Variants in LRRC20 observed in about 807,000 individuals in gnomAD.
LRRC20 encodes the protein leucine rich repeat containing 20.
LRRC20 carries 11 observed loss-of-function variants against 14.4 expected under a neutral mutation model. The ratio of observed to expected loss-of-function variants is 0.77; its 90% CI spans 0.48 to 1.27. The LOEUF (loss-of-function observed/expected upper bound fraction) is 1.27, where lower values mean the gene tolerates loss of function less well. Ranked by LOEUF, LRRC20 falls within the 50% of genes most tolerant of loss-of-function variation. LRRC20 has a pLI of 0.00. For synonymous variants in LRRC20, 121 were observed against 107.3 expected, an observed-to-expected ratio of 1.13 and a Z score of -0.79; for missense variants, 219 against 251.2, an observed-to-expected ratio of 0.87 and a Z score of 0.87.
intron 2 of LRRC20, among the ~76,000 whole-genome samples, chr10:70,358,671 T>C (rs1843615990): frequency 1.3e-5 from 2 of 152,208 alleles, no homozygotes. Context: ...GCTGACTGGC[T>C]ACCGCAGTCT....
chr10:70,330,013 T>A (rs2136975213), intron 3 of LRRC20, among the ~76,000 whole-genome samples: 1 of 152,376 alleles, frequency 6.6e-6, no homozygotes, highest in Non-Finnish European at 1.5e-5. Context: ...TTGCTGAGAA[T>A]CTTTCCATCT....
intron 2 of LRRC20, among the ~76,000 whole-genome samples, chr10:70,373,391 G>A (rs1297672461): frequency 6.6e-6 from 1 of 152,098 alleles, no homozygotes; most frequent in Non-Finnish European, 1.5e-5. Flanking sequence ...TGTAGGTGGT[G>A]GGCTGGTCTC....
intron 3 of LRRC20, among the ~76,000 whole-genome samples, chr10:70,332,232 G>A (rs1302484663): frequency 6.6e-6 from 1 of 152,224 alleles, no homozygotes; most frequent in African/African-American, 2.4e-5. Flanking sequence ...GGGTCAGAGG[G>A]CATTTCCAGA....
intron 4 of LRRC20, among the ~76,000 whole-genome samples, chr10:70,302,123 C>T (rs1297622019): frequency 1.3e-5 from 2 of 152,070 alleles, no homozygotes; most frequent in Non-Finnish European, 2.9e-5. Flanking sequence ...ACCTGCCTGG[C>T]CAAGCTGGTG....
chr10:70,360,213 C>T (rs189256413), intron 2 of LRRC20, among the ~76,000 whole-genome samples: 2 of 152,260 alleles, frequency 1.3e-5, no homozygotes, highest in Non-Finnish European at 2.9e-5. Flanking sequence ...TGCGCCCATC[C>T]GCATTTCTTT....
chr10:70,326,087 C>T (rs1326755885), intron 3 of LRRC20, among the ~76,000 whole-genome samples: 1 of 152,100 alleles, frequency 6.6e-6, no homozygotes, highest in Non-Finnish European at 1.5e-5. Context: ...GGAAAATCTT[C>T]CTATGTAACT....
At chr10:70,372,824 C>T (rs747857778) in intron 2 of LRRC20, among the ~76,000 whole-genome samples, 4 of 151,706 alleles carry the variant, frequency 2.6e-5, no homozygotes, top group Admixed American at 2.6e-4. Flanking sequence ...TTATATAGGC[C>T]GGGTGTGGTG....
chr10:70,363,673 G>A (rs1843843876), intron 2 of LRRC20, among the ~76,000 whole-genome samples: 1 of 152,196 alleles, frequency 6.6e-6, no homozygotes, highest in South Asian at 2.1e-4. Context: ...TGCCCACCCA[G>A]GGATACAAAG....
chr10:70,352,141 C>A (rs1210524697), intron 2 of LRRC20, among the ~76,000 whole-genome samples: 3 of 151,750 alleles, frequency 2.0e-5, no homozygotes, highest in African/African-American at 7.3e-5. Context: ...TTGTAAAACT[C>A]AAGGTAGGAG....
rs1841151249 is a variant in LRRC20 at position 70,300,918 on chromosome 10, C to G, written c.*436G>C. ...TCTCTTCTCAGGGCAGCAACTGGCT[C>G]TCAGCACTAAAAACAAGGCCTCAAA... On this transcript the variant is annotated 3_prime_UTR_variant, in exon 5 of 5. Transcript: ENST00000446961. 1.0e-6 allele frequency: 1 copy of G among 991,488 alleles called. No homozygotes were observed. The highest frequency in any genetic ancestry group is 1.7e-5 in the African/African-American group (1 of 57,410). The allele number at this position is 991,488 out of a possible 1,614,324, so 61.4% of individuals were successfully genotyped here. A position where few individuals can be genotyped will look rare whatever the true frequency, so the allele number is the denominator to read the frequency against.
intron 2 of LRRC20, among the ~76,000 whole-genome samples, chr10:70,365,646 G>T (rs1179403034): frequency 6.6e-6 from 1 of 152,134 alleles, no homozygotes; most frequent in African/African-American, 2.4e-5. Context: ...TGCAATGATT[G>T]TGCCTGTGAA....
intron 2 of LRRC20, among the ~76,000 whole-genome samples, chr10:70,373,132 C>T (rs1459843717): frequency 6.6e-6 from 1 of 151,990 alleles, no homozygotes; most frequent in African/African-American, 2.4e-5. Flanking sequence ...CATTGTATAG[C>T]TGTAACCAAA....
chr10:70,371,654 G>A (rs543726647), intron 2 of LRRC20, among the ~76,000 whole-genome samples: 40 of 152,292 alleles, frequency 2.6e-4, no homozygotes, highest in African/African-American at 9.4e-4. Flanking sequence ...CAGGGAAAGA[G>A]AGCCTGGCTC....
At chr10:70,335,114 C>T (rs1360831323) in intron 3 of LRRC20, among the ~76,000 whole-genome samples, 1 of 152,166 alleles carries the variant, frequency 6.6e-6, no homozygotes, top group Admixed American at 6.5e-5. Context: ...TTATGGCTGG[C>T]TGGCATCTCC....
At chr10:70,377,181 A>ATG (rs1436764928) in intron 1 of LRRC20, among the ~76,000 whole-genome samples, 1 of 152,140 alleles carries the variant, frequency 6.6e-6, no homozygotes, top group African/African-American at 2.4e-5. Flanking sequence ...TTCCTTTCCC[A>ATG]TGTGCCAACA....
intron 2 of LRRC20, among the ~76,000 whole-genome samples, chr10:70,355,809 G>A (rs2137078083): frequency 6.6e-6 from 1 of 152,306 alleles, no homozygotes; most frequent in East Asian, 1.9e-4. Context: ...AGGGAACAGA[G>A]CTAAAGTCCT....
At chr10:70,317,124 C>T (rs1306532238) in intron 4 of LRRC20, among the ~76,000 whole-genome samples, 2 of 152,212 alleles carry the variant, frequency 1.3e-5, no homozygotes, top group African/African-American at 4.8e-5. Context: ...GAGAGAAGTG[C>T]CACAGGTTTG....
intron 1 of LRRC20, among the ~76,000 whole-genome samples, chr10:70,377,699 T>C (rs1299385509): frequency 6.6e-6 from 1 of 152,176 alleles, no homozygotes; most frequent in Non-Finnish European, 1.5e-5. Context: ...ATGGGGACAG[T>C]GCTAAGAGCT....
At chr10:70,324,063 T>A in intron 3 of LRRC20, 33 bp from the exon 4 acceptor site, 1 of 1,607,870 alleles carries the variant, frequency 6.2e-7, no homozygotes, top group South Asian at 1.1e-5. Flanking sequence ...GAGAACAGGA[T>A]GAGGAGGGGG....
Sources: gnomAD v4.1 joint callset for allele counts (sites outside exome capture counted in the v4.1 genomes callset) on GRCh38, gnomAD v4.1.1 for gene constraint, MANE v1.5 for transcripts, NCBI Gene and HGNC (gene_info 2026-07-23, HGNC 2026-07-21) for gene names.